CSMD1: variants seen among roughly 807,000 people sequenced by gnomAD.
The protein encoded by CSMD1 is CUB and sushi domain-containing protein 1.
Under a neutral mutation model 417.5 loss-of-function variants are expected in CSMD1, and 213 were observed. The ratio of observed to expected loss-of-function variants is 0.51; its 90% CI spans 0.46 to 0.57. The LOEUF is 0.57. Ranked by LOEUF, CSMD1 falls within the 20% of genes least tolerant of loss-of-function variation. The pLI, the probability that CSMD1 is intolerant of heterozygous loss-of-function variation, is 0.00. For missense variants in CSMD1, 6,923 were observed against 4,529.7 expected (o/e 1.53, Z -15.17); for synonymous variants, 2,862 against 1,736.8 (o/e 1.65, Z -16.11).
chr8:4,213,853 G>T (rs1373753134), intron 3 of CSMD1, among the ~76,000 whole-genome samples: 1 of 152,204 alleles, frequency 6.6e-6, no homozygotes, highest in African/African-American at 2.4e-5. Context: ...CAGTGTTTAG[G>T]CTGAGAATCA....
intron 1 of CSMD1, among the ~76,000 whole-genome samples, chr8:4,912,200 C>T (rs1252908554): frequency 1.4e-5 from 2 of 147,588 alleles, no homozygotes; most frequent in Non-Finnish European, 3.0e-5. Flanking sequence ...TTAGAAAAGT[C>T]CTCTTACTGA....
At chr8:4,437,425 C>A (rs1798210374) in intron 2 of CSMD1, among the ~76,000 whole-genome samples, 1 of 152,118 alleles carries the variant, frequency 6.6e-6, no homozygotes, top group African/African-American at 2.4e-5. Context: ...ATTTTCTAGT[C>A]ATGATTATCC....
intron 23 of CSMD1, among the ~76,000 whole-genome samples, chr8:3,317,292 G>C (rs1156977199): frequency 6.6e-6 from 1 of 152,176 alleles, no homozygotes; most frequent in Non-Finnish European, 1.5e-5. Flanking sequence ...GATATGTTAG[G>C]AGCATGAGGA....
chr8:4,087,283 C>T (rs975423512), intron 3 of CSMD1, among the ~76,000 whole-genome samples: 3 of 152,126 alleles, frequency 2.0e-5, no homozygotes, highest in African/African-American at 7.2e-5. Context: ...TGCTCACTCT[C>T]CTTCCTTCTC....
At chr8:2,949,621 C>T (rs1331985305) in intron 67 of CSMD1, among the ~76,000 whole-genome samples, 1 of 152,034 alleles carries the variant, frequency 6.6e-6, no homozygotes, top group Non-Finnish European at 1.5e-5. Flanking sequence ...ATTTTGATCT[C>T]GAAAATGATA....
At chr8:4,487,952 C>A (rs912049456) in intron 2 of CSMD1, among the ~76,000 whole-genome samples, 1 of 152,092 alleles carries the variant, frequency 6.6e-6, no homozygotes, top group Non-Finnish European at 1.5e-5. Flanking sequence ...TGAATGTTTG[C>A]GTCCCTCCGA....
intron 3 of CSMD1, among the ~76,000 whole-genome samples, chr8:4,071,929 G>A (rs1253642796): frequency 1.3e-5 from 2 of 152,116 alleles, no homozygotes; most frequent in South Asian, 2.1e-4. Flanking sequence ...CAAAGTCTGG[G>A]CAGAACCTGC....
chr8:4,827,222 A>T (rs959259795), intron 1 of CSMD1, among the ~76,000 whole-genome samples: 1 of 152,106 alleles, frequency 6.6e-6, no homozygotes, highest in Non-Finnish European at 1.5e-5. Context: ...TGCTTTTATT[A>T]TTTTTCACAG....
intron 23 of CSMD1, among the ~76,000 whole-genome samples, chr8:3,321,036 T>G (rs1806121698): frequency 6.6e-6 from 1 of 152,120 alleles, no homozygotes; most frequent in Non-Finnish European, 1.5e-5. Flanking sequence ...TATTTCCCAG[T>G]TCATCTGAAA....
At chr8:3,706,071 G>A (rs185187564) in intron 7 of CSMD1, among the ~76,000 whole-genome samples, 42 of 152,358 alleles carry the variant, frequency 2.8e-4, no homozygotes, top group East Asian at 1.4e-3. Context: ...CGCATGACGC[G>A]CTGGAACGTG....
At chr8:4,978,577 G>A (rs1012358695) in intron 1 of CSMD1, among the ~76,000 whole-genome samples, 1 of 152,102 alleles carries the variant, frequency 6.6e-6, no homozygotes, top group African/African-American at 2.4e-5. Flanking sequence ...GCTTCACTGG[G>A]AATTCACACC....
intron 4 of CSMD1, among the ~76,000 whole-genome samples, chr8:4,017,309 T>C (rs1292537962): frequency 6.6e-6 from 1 of 152,178 alleles, no homozygotes; most frequent in African/African-American, 2.4e-5. Context: ...AATTTCTTTC[T>C]TTTTAGGGGA....
At chr8:3,571,328 T>C (rs898238570) in intron 10 of CSMD1, among the ~76,000 whole-genome samples, 19 of 152,324 alleles carry the variant, frequency 1.2e-4, no homozygotes, top group African/African-American at 4.6e-4. Flanking sequence ...GCTATCTCTG[T>C]GCCTAATAGC....
chr8:3,291,396 G>T (rs1803548906), intron 25 of CSMD1, among the ~76,000 whole-genome samples: 1 of 152,110 alleles, frequency 6.6e-6, no homozygotes, highest in Non-Finnish European at 1.5e-5. Context: ...ATTGAATAAG[G>T]ATTGGTAGCA....
At chr8:3,992,172 G>C (rs991005053) in intron 5 of CSMD1, among the ~76,000 whole-genome samples, 1 of 150,622 alleles carries the variant, frequency 6.6e-6, no homozygotes, top group Non-Finnish European at 1.5e-5. Flanking sequence ...TTTATTGTTA[G>C]ATATATATAA....
At chr8:4,698,162 A>G (rs1158100) in intron 1 of CSMD1, among the ~76,000 whole-genome samples, 109,657 of 149,724 alleles carry the variant, frequency 0.73, 41,573 homozygotes, top group African/African-American at 0.93. Context: ...GGAATTGAAC[A>G]TAATATTATA....
chr8:4,164,335 T>C (rs2043113345), intron 3 of CSMD1, among the ~76,000 whole-genome samples: 1 of 152,124 alleles, frequency 6.6e-6, no homozygotes. Context: ...CATATCTAAA[T>C]AGTATTCATA....
At chr8:3,498,842 T>C (rs1796474183) in intron 10 of CSMD1, among the ~76,000 whole-genome samples, 1 of 152,192 alleles carries the variant, frequency 6.6e-6, no homozygotes, top group African/African-American at 2.4e-5. Flanking sequence ...AGACTTCTGC[T>C]TAGTTCTTTT....
At chr8:4,180,344 G>T (rs1350350990) in intron 3 of CSMD1, among the ~76,000 whole-genome samples, 2 of 148,698 alleles carry the variant, frequency 1.3e-5, no homozygotes, top group South Asian at 4.2e-4. Flanking sequence ...ACCAAACAAT[G>T]CATGTTCTCA....
Sources: allele counts gnomAD v4.1 joint callset (sites outside exome capture counted in the v4.1 genomes callset), GRCh38; gene constraint gnomAD v4.1.1; transcripts MANE v1.5; gene names NCBI Gene and HGNC (gene_info 2026-07-23, HGNC 2026-07-21).